FGF14: variants seen among roughly 807,000 people sequenced by gnomAD.
FGF14 encodes the protein fibroblast growth factor homologous factor 4.
A neutral mutation model predicts 25.5 loss-of-function variants in FGF14; 5 were observed. That is an observed-to-expected ratio of 0.20 (90% CI 0.10 to 0.41). FGF14 has a LOEUF of 0.41. Among genes scored for constraint, FGF14 ranks in the 10% least tolerant of loss-of-function variants. FGF14 has a pLI of 1.00. For synonymous variants in FGF14, 138 were observed against 118.3 expected (o/e 1.17, Z -1.08); for missense variants, 222 against 320.1 (o/e 0.69, Z 2.34).
At chr13:101,919,482 G>A (rs942159283), upstream of FGF14, among the ~76,000 whole-genome samples, 3 of 151,802 alleles carry the variant, frequency 2.0e-5, no homozygotes, top group Non-Finnish European at 2.9e-5. Flanking sequence ...TCTTATAGCC[G>A]TGCCTCTATT....
intron 3 of FGF14, among the ~76,000 whole-genome samples, chr13:101,735,694 T>A (rs545698558): frequency 6.6e-6 from 1 of 150,884 alleles, no homozygotes; most frequent in African/African-American, 2.4e-5. Flanking sequence ...AAGCTCATTG[T>A]TGTTATTAAC....
chr13:102,153,093 G>A (rs984136260), intron 1 of FGF14, among the ~76,000 whole-genome samples: 3 of 152,124 alleles, frequency 2.0e-5, no homozygotes, highest in Non-Finnish European at 4.4e-5. Context: ...AGAGTGAAGC[G>A]ATTAACCGAA....
chr13:102,346,981 C>T lies in FGF14; in HGVS notation c.208+54490G>A, dbSNP rs146530442. ...TGTCTTGCACTGATGCCCAGAACAC[C>T]GTGTTCAATAGAACATCCAAAAGTG... On this transcript the variant is annotated intron_variant, in intron 1 of 4. Coordinates refer to the FGF14 transcript ENST00000376131. Among the ~76,000 whole-genome samples, 846 of 152,152 alleles carry T rather than the reference C, an allele frequency of 5.6e-3. 6 individuals carry two copies. The highest frequency in any genetic ancestry group is 0.012 in the South Asian group (59 of 4,810).
chr13:102,021,642 G>C (rs1264080522), intron 1 of FGF14, among the ~76,000 whole-genome samples: 1 of 152,008 alleles, frequency 6.6e-6, no homozygotes, highest in Non-Finnish European at 1.5e-5. Context: ...TCTGGACCAA[G>C]CAGAGAAAAT....
chr13:101,836,413 T>C (rs913796745), intron 3 of FGF14, among the ~76,000 whole-genome samples: 9 of 152,056 alleles, frequency 5.9e-5, no homozygotes, highest in African/African-American at 1.9e-4. Context: ...AGTGCTATAC[T>C]GGACCAGAAT....
chr13:102,027,876 T>G (rs4313682), intron 1 of FGF14, among the ~76,000 whole-genome samples: 1 of 151,842 alleles, frequency 6.6e-6, no homozygotes, highest in Non-Finnish European at 1.5e-5. Context: ...ATGACTATTA[T>G]TGTTGTGACA....
rs2058670448 is a variant in FGF14, at chr13:102,400,158, G to A, written c.208+1313C>T. Among the ~76,000 whole-genome samples, 1 of 152,130 alleles carries A rather than the reference G, an allele frequency of 6.6e-6. No individual in the cohort carries two copies. The highest frequency in any genetic ancestry group is 2.4e-5 in the African/African-American group (1 of 41,440). On this transcript the variant is annotated intron_variant, in intron 1 of 4. Transcript: ENST00000376131. This position sits in a 1 kb window ranked among gnomAD's most constrained non-coding sequence, Gnocchi z 4.3. ...GTTGCATTGGCAAGGTTCGGAGGCTGGAGGGCAGCAGCCACTTGCTGCCCC... is the reference window on the plus strand; with the variant it reads ...GTTGCATTGGCAAGGTTCGGAGGCTAGAGGGCAGCAGCCACTTGCTGCCCC...
At chr13:101,928,966 C>T (rs1420078334) in intron 1 of FGF14, among the ~76,000 whole-genome samples, 1 of 152,102 alleles carries the variant, frequency 6.6e-6, no homozygotes, top group Non-Finnish European at 1.5e-5. Context: ...ATAGGCCTCG[C>T]TTGGACAATA....
At chr13:101,893,518 G>A (rs2030108941) in intron 1 of FGF14, among the ~76,000 whole-genome samples, 1 of 152,158 alleles carries the variant, frequency 6.6e-6, no homozygotes, top group African/African-American at 2.4e-5. Flanking sequence ...GTTAGGGACT[G>A]TGGCATGGTG....
chr13:101,940,656 T>C (rs572432024), intron 1 of FGF14, among the ~76,000 whole-genome samples: 10 of 152,192 alleles, frequency 6.6e-5, no homozygotes, highest in Non-Finnish European at 1.2e-4. Context: ...CCACCTGCAC[T>C]CTTTAGACCT....
chr13:102,281,958 T>A (rs1461619963), intron 1 of FGF14, among the ~76,000 whole-genome samples: 1 of 152,196 alleles, frequency 6.6e-6, no homozygotes, highest in Admixed American at 6.5e-5. Context: ...AAATCATATG[T>A]CCGTACTGCA....
In FGF14 at chr13:102,329,829, G is replaced by A. The variant is rs138126366; in HGVS notation, c.208+71642C>T. On this transcript the variant is annotated intron_variant, in intron 1 of 4. Coordinates refer to the FGF14 transcript ENST00000376131. The stretch of plus-strand genomic sequence containing the variant: ...CATTCATCTCCTCACCCTTTCCATG[G>A]CCCTTACGCACCCCCACCTTATGCC... 2.7e-3 allele frequency among the ~76,000 whole-genome samples: 403 copies of A among 151,686 alleles called. 1 individual carries two copies. Among genetic ancestry groups the A allele is most frequent in the African/African-American group, 9.3e-3 (385 of 41,332 alleles).
rs558995739 is a variant in FGF14, at chr13:102,063,001, T to C, written c.209-187705A>G. Among the ~76,000 whole-genome samples, 4 of 152,352 alleles carry C rather than the reference T, an allele frequency of 2.6e-5. No individual in the cohort carries two copies. In the South Asian group the frequency reaches 8.3e-4, roughly 32 times the overall value. On this transcript the variant is annotated intron_variant, in intron 1 of 4. Transcript: ENST00000376131. ...TCTGCTAAGAAGAATTTGGGAAATT[T>C]GCTTTTAAAGGTATTTGTTGCTGTT...
At chr13:101,870,975 A>C (rs9582532) in intron 2 of FGF14, among the ~76,000 whole-genome samples, 5,099 of 150,392 alleles carry the variant, frequency 0.034, 140 homozygotes, top group African/African-American at 0.067. Flanking sequence ...TAAATAAATA[A>C]ATACATACAT....
intron 1 of FGF14, among the ~76,000 whole-genome samples, chr13:102,060,882 G>T (rs950592475): frequency 1.3e-5 from 2 of 152,092 alleles, no homozygotes; most frequent in African/African-American, 4.8e-5. Context: ...AAAAACCCAA[G>T]ACCCTATTGG....
intron 1 of FGF14, among the ~76,000 whole-genome samples, chr13:102,038,044 A>G (rs2041558892): frequency 6.6e-6 from 1 of 152,202 alleles, no homozygotes; most frequent in Non-Finnish European, 1.5e-5. Context: ...GAAATAATGT[A>G]CAGCTAGAGA....
chr13:102,310,353 A>G (rs2055665380), intron 1 of FGF14, among the ~76,000 whole-genome samples: 1 of 152,192 alleles, frequency 6.6e-6, no homozygotes, highest in South Asian at 2.1e-4. Context: ...TGGATCACCA[A>G]CTATTTAAAG....
chr13:102,055,138 T>C (rs759177018), intron 1 of FGF14, among the ~76,000 whole-genome samples: 7 of 152,242 alleles, frequency 4.6e-5, no homozygotes, highest in Non-Finnish European at 8.8e-5. Context: ...ATTTGTAGCA[T>C]ACAAAAATCC....
chr13:102,322,068 C>G (rs1316578205), intron 1 of FGF14, among the ~76,000 whole-genome samples: 1 of 152,148 alleles, frequency 6.6e-6, no homozygotes, highest in Admixed American at 6.5e-5. Context: ...CTGACAAGCC[C>G]TTTTCCTTCC....
Sources: gnomAD v4.1 joint callset for allele counts (sites outside exome capture counted in the v4.1 genomes callset) on GRCh38, gnomAD v4.1.1 for gene constraint, Gnocchi (gnomAD v3.1) non-coding constraint, MANE v1.5 for transcripts, NCBI Gene and HGNC (gene_info 2026-07-23, HGNC 2026-07-21) for gene names.